The following WDR70 variants were observed in gnomAD, a reference collection of about 807,000 sequenced individuals.
WDR70 encodes the protein WD repeat domain 70, also known as WD repeat-containing protein 70.
Under a neutral mutation model 88.6 loss-of-function variants are expected in WDR70, and 53 were observed. The ratio of observed to expected loss-of-function variants is 0.60; its 90% CI spans 0.48 to 0.75. The LOEUF is 0.75. Among genes scored for constraint, WDR70 ranks in the 30% least tolerant of loss-of-function variants. The pLI, the probability that WDR70 is intolerant of heterozygous loss-of-function variation, is 0.00. For missense variants in WDR70, 610 were observed against 823.2 expected (o/e 0.74, Z 3.17); for synonymous variants, 280 against 270.0 (o/e 1.04, Z -0.36).
chr5:37,432,823 A>G (rs1750350917), intron 5 of WDR70, among the ~76,000 whole-genome samples: 1 of 151,864 alleles, frequency 6.6e-6, no homozygotes, highest in Non-Finnish European at 1.5e-5. Flanking sequence ...TTGGCCTCCG[A>G]AAGTGCTGGG....
intron 17 of WDR70, among the ~76,000 whole-genome samples, chr5:37,728,114 G>A (rs1236295423): frequency 1.3e-5 from 2 of 151,826 alleles, no homozygotes; most frequent in African/African-American, 2.4e-5. Context: ...TTGGGTGGCC[G>A]AGGCAGGCAG....
intron 10 of WDR70, among the ~76,000 whole-genome samples, chr5:37,649,558 C>T (rs1008953952): frequency 1.3e-5 from 2 of 150,556 alleles, no homozygotes; most frequent in Admixed American, 6.7e-5. Context: ...GACTTGTGAT[C>T]TGGGCAGGTC....
intron 10 of WDR70, among the ~76,000 whole-genome samples, chr5:37,609,597 A>G (rs1296198922): frequency 6.6e-6 from 1 of 152,186 alleles, no homozygotes; most frequent in African/African-American, 2.4e-5. Flanking sequence ...AGGTTGTTTG[A>G]TTTTGCAGTA....
chr5:37,626,177 A>T (rs1744660603), intron 10 of WDR70, among the ~76,000 whole-genome samples: 1 of 152,048 alleles, frequency 6.6e-6, no homozygotes, highest in South Asian at 2.1e-4. Context: ...GAATACTGAG[A>T]TTGGGAGTCT....
intron 9 of WDR70, among the ~76,000 whole-genome samples, chr5:37,525,070 C>T (rs1367440797): frequency 2.0e-5 from 3 of 152,054 alleles, no homozygotes; most frequent in East Asian, 1.9e-4. Context: ...GATAGATCAA[C>T]GAGACAGCAA....
At chr5:37,427,823 C>T (rs1581270403) in intron 5 of WDR70, among the ~76,000 whole-genome samples, 2 of 151,982 alleles carry the variant, frequency 1.3e-5, no homozygotes, top group Admixed American at 6.6e-5. Flanking sequence ...GAGCTGAGAT[C>T]GTGCCACTGC....
rs1748849106 is a variant in WDR70 at position 37,752,639 on chromosome 5, T to A, written c.*66T>A. The stretch of plus-strand genomic sequence containing the variant: ...ATGGGACAGGTTTGGGTTTTTTTTT[T>A]ATGCTCATGAAATTAAAAATTCATT... On this transcript the variant is annotated 3_prime_UTR_variant, in exon 18 of 18. Transcript: ENST00000265107. The A allele has an allele frequency of 4.4e-6, 5 of 1,130,146 alleles. No homozygotes were observed. The highest frequency in any genetic ancestry group is 3.2e-5 in the African/African-American group (2 of 62,374). 70.0% of individuals were successfully genotyped at this position (1,130,146 alleles called of 1,614,324 possible).
chr5:37,688,470 A>G (rs1746679041), intron 10 of WDR70, among the ~76,000 whole-genome samples: 1 of 152,188 alleles, frequency 6.6e-6, no homozygotes, highest in South Asian at 2.1e-4. Flanking sequence ...CAAACAAATA[A>G]AAAACTAAAT....
chr5:37,525,240 C>A (rs1741228091), intron 9 of WDR70, among the ~76,000 whole-genome samples: 1 of 152,154 alleles, frequency 6.6e-6, no homozygotes, highest in Non-Finnish European at 1.5e-5. Flanking sequence ...TAAAGCAGTC[C>A]TCAGCAAATG....
intron 4 of WDR70, among the ~76,000 whole-genome samples, chr5:37,395,926 G>A (rs983761585): frequency 1.3e-5 from 2 of 152,032 alleles, no homozygotes; most frequent in African/African-American, 4.8e-5. Flanking sequence ...TCAGCCTCCT[G>A]AGTAGCTGGT....
intron 7 of WDR70, among the ~76,000 whole-genome samples, chr5:37,462,977 A>G (rs1378194069): frequency 6.6e-6 from 1 of 152,082 alleles, no homozygotes; most frequent in African/African-American, 2.4e-5. Flanking sequence ...ATTTTCCATG[A>G]AATAAGGAGA....
chr5:37,491,690 A>G (rs540967169), intron 8 of WDR70, among the ~76,000 whole-genome samples: 13 of 152,260 alleles, frequency 8.5e-5, no homozygotes, highest in African/African-American at 3.1e-4. Context: ...TTATTTGGAG[A>G]TGAAATATAT....
intron 10 of WDR70, among the ~76,000 whole-genome samples, chr5:37,660,251 T>G (rs868423111): frequency 1.3e-5 from 2 of 152,212 alleles, no homozygotes; most frequent in African/African-American, 4.8e-5. Flanking sequence ...TCAATAAATA[T>G]TTCATTTATA....
chr5:37,701,131 C>A lies in WDR70; in HGVS notation c.1266C>A (p.Thr422=). The stretch of plus-strand genomic sequence containing the variant: ...TTTTTTCAGCCTCGGGTCTTCCCAC[C>A]ATGTTCCCAATGTAAGTAGCATATT... ...KPLFSASGLP[T]MFPMTDCCFS... is the part of the protein sequence containing the mutation. Residue 422 remains threonine, a synonymous_variant, in exon 12 of 18, where the codon ACC becomes ACA. Coordinates refer to ENST00000265107, the MANE Select transcript of WDR70 (RefSeq NM_018034.4). 6.2e-7 allele frequency: 1 copy of A among 1,601,162 alleles called. No individual in the cohort carries two copies. Among genetic ancestry groups the A allele is most frequent in the Non-Finnish European group, 8.6e-7 (1 of 1,168,564 alleles).
At chr5:37,489,292 T>C (rs1047652695) in intron 8 of WDR70, among the ~76,000 whole-genome samples, 4 of 152,148 alleles carry the variant, frequency 2.6e-5, no homozygotes, top group African/African-American at 9.7e-5. Context: ...CTTTTTGAGG[T>C]GCCAGTAGTG....
At position 37,719,519 on chromosome 5, in the gene WDR70, G is replaced by A. The variant is rs1747745307; in HGVS notation, c.1417-1596G>A. The stretch of plus-strand genomic sequence containing the variant: ...AAAAATTGTGGAAAGCAAGCCTAAA[G>A]TTGTGAAAACCTGCCCCTTTAACTT... On this transcript the variant is annotated intron_variant, in intron 13 of 17. Transcript: ENST00000265107. 8.5e-5 allele frequency among the ~76,000 whole-genome samples: 13 copies of A among 152,226 alleles called. No homozygotes were observed. In the South Asian group the frequency reaches 2.7e-3, roughly 32 times the overall value.
chr5:37,531,782 C>T (rs1318635758), intron 9 of WDR70, among the ~76,000 whole-genome samples: 2 of 151,250 alleles, frequency 1.3e-5, no homozygotes, highest in African/African-American at 4.9e-5. Context: ...ATGTGAGGTA[C>T]TATTCTATTC....
intron 11 of WDR70, among the ~76,000 whole-genome samples, chr5:37,698,590 C>T (rs570507381): frequency 3.3e-5 from 5 of 152,242 alleles, no homozygotes; most frequent in African/African-American, 9.6e-5. Flanking sequence ...TTCAGTCACT[C>T]GACTACTGTA....
intron 9 of WDR70, among the ~76,000 whole-genome samples, chr5:37,547,989 A>G (rs1742042498): frequency 6.6e-6 from 1 of 152,146 alleles, no homozygotes; most frequent in African/African-American, 2.4e-5. Context: ...ATTCTTTCTT[A>G]TGGCTGAATA....
Sources: gnomAD v4.1 joint callset for allele counts (sites outside exome capture counted in the v4.1 genomes callset) on GRCh38, gnomAD v4.1.1 for gene constraint, MANE v1.5 for transcripts, NCBI Gene and HGNC (gene_info 2026-07-23, HGNC 2026-07-21) for gene names.